Variants in ATAD2B observed in about 807,000 individuals in gnomAD.
ATAD2B encodes the protein ATPase family AAA domain-containing protein 2B.
In ATAD2B, 40 loss-of-function variants were observed where a neutral mutation model predicts 167.6. The observed-to-expected ratio is 0.24, with a 90% CI of 0.19 to 0.31. The LOEUF (loss-of-function observed/expected upper bound fraction) is 0.31. Ranked by LOEUF, ATAD2B falls within the 10% of genes least tolerant of loss-of-function variation. The pLI, the probability that ATAD2B is intolerant of heterozygous loss-of-function variation, is 1.00. For synonymous variants in ATAD2B, 579 were observed against 596.5 expected (o/e 0.97, Z 0.43); for missense variants, 1,242 against 1,757.2 (o/e 0.71, Z 5.24).
chr2:23,770,345 T>A (rs541705553), intron 22 of ATAD2B, among the ~76,000 whole-genome samples: 19 of 152,096 alleles, frequency 1.2e-4, no homozygotes, highest in African/African-American at 4.3e-4. Flanking sequence ...AATAAATAAA[T>A]AAAAAGATTA....
chr2:23,867,025 C>A (rs556266770), intron 10 of ATAD2B, among the ~76,000 whole-genome samples: 3 of 152,210 alleles, frequency 2.0e-5, no homozygotes, highest in African/African-American at 4.8e-5. Flanking sequence ...GTGACCTCAC[C>A]GCTCTTTATA....
the ATAD2B span, among the ~76,000 whole-genome samples, chr2:23,711,635 T>C: frequency 6.6e-6 from 1 of 152,108 alleles, no homozygotes; most frequent in Admixed American, 6.5e-5. Flanking sequence ...CCTCCCAAAA[T>C]GCTGGGATTA....
rs139440780 is a variant in ATAD2B at position 23,772,014 on chromosome 2, T to A, written c.3134-6386A>T. Among the ~76,000 whole-genome samples, 313 of 152,324 alleles carry A rather than the reference T, an allele frequency of 2.1e-3. 1 individual carries two copies. The highest frequency in any genetic ancestry group is 6.1e-3 in the Admixed American group (94 of 15,300). Reference sequence around the variant, plus strand: ...CCTCCTGGGGCTGGTATCTGGAAATTGTCTCCAGGCAACCACACTACTCCT... The same window carrying A: ...CCTCCTGGGGCTGGTATCTGGAAATAGTCTCCAGGCAACCACACTACTCCT... On this transcript the variant is annotated intron_variant, in intron 22 of 27. Coordinates refer to ENST00000238789, the MANE Select transcript of ATAD2B (RefSeq NM_017552.4).
At chr2:23,809,090 T>C (rs925693654) in intron 18 of ATAD2B, 1 of 152,178 alleles carries the variant, frequency 6.6e-6, no homozygotes, top group Non-Finnish European at 1.5e-5. Flanking sequence ...ATTTTGTTGA[T>C]TTATATTTTT....
chr2:23,886,547 A>T (rs1698681417), intron 4 of ATAD2B, among the ~76,000 whole-genome samples: 1 of 152,216 alleles, frequency 6.6e-6, no homozygotes, highest in South Asian at 2.1e-4. Context: ...GTAATTGTAT[A>T]AAATAAAACA....
At chr2:23,883,756 C>T (rs979586816) in intron 6 of ATAD2B, 1 of 373,416 alleles carries the variant, frequency 2.7e-6, no homozygotes, top group Non-Finnish European at 4.9e-6. Context: ...TCAATCTAAA[C>T]TACACAAATA....
At chr2:23,903,087 T>G (rs1211741501) in intron 1 of ATAD2B, among the ~76,000 whole-genome samples, 1 of 151,680 alleles carries the variant, frequency 6.6e-6, no homozygotes, top group South Asian at 2.1e-4. Context: ...TATAGAAAAA[T>G]TAGCCAGGTG....
At chr2:23,685,441 C>T in the ATAD2B span, 1 of 152,312 alleles carries the variant, frequency 6.6e-6, no homozygotes, top group African/African-American at 2.4e-5. Flanking sequence ...GGGGCAGACG[C>T]TGAGCCGGGA....
chr2:23,779,172 TTC>T (rs376734602), intron 22 of ATAD2B, among the ~76,000 whole-genome samples: 13 of 130,432 alleles, frequency 1.0e-4, no homozygotes, highest in East Asian at 2.5e-4. Flanking sequence ...TTTTTTTCTT[TTC>T]TTTTTTTTTT....
intron 13 of ATAD2B, among the ~76,000 whole-genome samples, chr2:23,840,525 T>C (rs1288419957): frequency 2.0e-5 from 3 of 152,242 alleles, no homozygotes; most frequent in Non-Finnish European, 4.4e-5. Context: ...TTTAGAGCTA[T>C]AGTTCTTAAT....
At chr2:23,801,161 T>C (rs953958473) in intron 18 of ATAD2B, among the ~76,000 whole-genome samples, 1 of 152,116 alleles carries the variant, frequency 6.6e-6, no homozygotes, top group Non-Finnish European at 1.5e-5. Flanking sequence ...ATTCCCATTT[T>C]GTAATAAAAA....
intron 1 of ATAD2B, among the ~76,000 whole-genome samples, chr2:23,902,817 A>C (rs1452017509): frequency 6.6e-6 from 1 of 152,150 alleles, no homozygotes; most frequent in Non-Finnish European, 1.5e-5. Context: ...TGTAATCCCA[A>C]CATTTTGGGA....
At chr2:23,923,658 A>G (rs938951803) in intron 1 of ATAD2B, among the ~76,000 whole-genome samples, 1 of 152,122 alleles carries the variant, frequency 6.6e-6, no homozygotes, top group African/African-American at 2.4e-5. Flanking sequence ...TCAAAAAAAA[A>G]AAAGGCTTTT....
chr2:23,841,804 C>T (rs1690960473), intron 13 of ATAD2B, among the ~76,000 whole-genome samples: 1 of 152,234 alleles, frequency 6.6e-6, no homozygotes. Flanking sequence ...GCGTGAGCCA[C>T]TACACTCATC....
chr2:23,741,694 T>C, the ATAD2B span, among the ~76,000 whole-genome samples: 1 of 151,968 alleles, frequency 6.6e-6, no homozygotes, highest in South Asian at 2.1e-4. Flanking sequence ...AAAGCCAAAA[T>C]TGACAAATGG....
At chr2:23,891,629 C>T (rs1364698829) in intron 2 of ATAD2B, among the ~76,000 whole-genome samples, 2 of 151,684 alleles carry the variant, frequency 1.3e-5, no homozygotes, top group African/African-American at 4.8e-5. Context: ...CCAAGCAGTA[C>T]AGGCGTGCAC....
At chr2:23,898,797 G>A (rs568929136) in intron 1 of ATAD2B, among the ~76,000 whole-genome samples, 1 of 152,260 alleles carries the variant, frequency 6.6e-6, no homozygotes, top group South Asian at 2.1e-4. Flanking sequence ...GAGGCCAGGA[G>A]TGCCAGACTA....
At chr2:23,803,615 G>T (rs552989659) in intron 18 of ATAD2B, among the ~76,000 whole-genome samples, 1 of 152,226 alleles carries the variant, frequency 6.6e-6, no homozygotes, top group Non-Finnish European at 1.5e-5. Context: ...TTTTAATATA[G>T]TTGACACTAA....
rs141570521 is a variant in ATAD2B at position 23,848,943 on chromosome 2, A to G, written c.1568+8472T>C. ...CTCTTTATCAATGTCAATATTGTGT[A>G]CATACATATAGTATATATATTATAC... On this transcript the variant is annotated intron_variant, in intron 13 of 27. Coordinates refer to ENST00000238789, the MANE Select transcript of ATAD2B (RefSeq NM_017552.4). Among the ~76,000 whole-genome samples, 624 of 152,318 alleles carry G rather than the reference A, an allele frequency of 4.1e-3. 5 individuals are homozygous for G. Among genetic ancestry groups the G allele is most frequent in the Non-Finnish European group, 6.5e-3 (441 of 68,026 alleles).
Sources: allele counts gnomAD v4.1 joint callset (sites outside exome capture counted in the v4.1 genomes callset), GRCh38; gene constraint gnomAD v4.1.1; transcripts MANE v1.5; gene names NCBI Gene and HGNC (gene_info 2026-07-23, HGNC 2026-07-21).